The following TBC1D1 variants were observed in gnomAD, a reference collection of about 807,000 sequenced individuals.
TBC1D1 encodes the protein TBC1 domain family member 1, also known as TBC1 (tre-2/USP6, BUB2, cdc16) domain family, member 1.
A neutral mutation model predicts 125.6 loss-of-function variants in TBC1D1; 89 were observed. The observed-to-expected ratio is 0.71, with a 90% CI of 0.60 to 0.85. TBC1D1 has a LOEUF of 0.85. TBC1D1 is among the 40% of genes least tolerant of loss of function. TBC1D1 has a pLI of 0.00. For synonymous variants in TBC1D1, 565 were observed against 564.1 expected, an observed-to-expected ratio of 1.00 and a Z score of -0.02; for missense variants, 1,377 against 1,469.2, an observed-to-expected ratio of 0.94 and a Z score of 1.03.
At chr4:37,899,116 T>C (rs1168273199) in intron 1 of TBC1D1, among the ~76,000 whole-genome samples, 1 of 152,122 alleles carries the variant, frequency 6.6e-6, no homozygotes, top group Non-Finnish European at 1.5e-5. Flanking sequence ...ATGGGTGGAT[T>C]GAAGGATGGG....
intron 8 of TBC1D1, among the ~76,000 whole-genome samples, chr4:38,044,105 G>A (rs962454850): frequency 2.0e-5 from 3 of 152,232 alleles, no homozygotes; most frequent in East Asian, 1.9e-4. Flanking sequence ...CAGTTGCAGA[G>A]TCTGAGCAAT....
intron 6 of TBC1D1, among the ~76,000 whole-genome samples, chr4:38,023,174 G>A (rs2152438456): frequency 6.6e-6 from 1 of 151,516 alleles, no homozygotes; most frequent in South Asian, 2.1e-4. Context: ...TTGAGCCCGG[G>A]AGATGGAGGT....
At chr4:38,005,121 A>C (rs957474091) in intron 2 of TBC1D1, among the ~76,000 whole-genome samples, 3 of 152,204 alleles carry the variant, frequency 2.0e-5, no homozygotes, top group Non-Finnish European at 4.4e-5. Context: ...GTTGAGCCTA[A>C]CAACACCTCT....
chr4:37,960,737 A>C (rs760836080), intron 2 of TBC1D1: 2 of 1,614,170 alleles, frequency 1.2e-6, no homozygotes, highest in Admixed American at 3.3e-5. Flanking sequence ...TTAAAACAAA[A>C]AGTTCTGTTC....
chr4:38,110,164 T>C, intron 15 of TBC1D1: 1 of 982,300 alleles, frequency 1.0e-6, no homozygotes, highest in Non-Finnish European at 1.2e-6. Context: ...ATCAGGAGTC[T>C]CGCTGAAAAT....
intron 2 of TBC1D1, among the ~76,000 whole-genome samples, chr4:38,005,585 G>A (rs1217010101): frequency 6.6e-6 from 1 of 152,170 alleles, no homozygotes; most frequent in African/African-American, 2.4e-5. Flanking sequence ...GTGGCTTCTG[G>A]CCTGAGCCCC....
chr4:38,030,627 G>A (rs1307395243), intron 7 of TBC1D1, among the ~76,000 whole-genome samples: 1 of 152,192 alleles, frequency 6.6e-6, no homozygotes, highest in Admixed American at 6.5e-5. Flanking sequence ...CAGCTAATGT[G>A]CTTGAAAATC....
chr4:37,933,551 A>G (rs1280941208), intron 2 of TBC1D1, among the ~76,000 whole-genome samples: 2 of 152,062 alleles, frequency 1.3e-5, no homozygotes, highest in African/African-American at 4.8e-5. Context: ...TTTCCTTATT[A>G]TGTAAACTTT....
intron 2 of TBC1D1, among the ~76,000 whole-genome samples, chr4:37,953,853 A>T (rs1443500801): frequency 6.6e-6 from 1 of 152,222 alleles, no homozygotes; most frequent in African/African-American, 2.4e-5. Context: ...TGCCTAATTT[A>T]TAGTGGCTTG....
chr4:38,095,247 T>C (rs922455643), intron 13 of TBC1D1, among the ~76,000 whole-genome samples: 1 of 152,218 alleles, frequency 6.6e-6, no homozygotes, highest in Admixed American at 6.5e-5. Flanking sequence ...TCTGTGGCCA[T>C]GAAATAAGAG....
At chr4:37,947,907 A>C (rs1350989206) in intron 2 of TBC1D1, among the ~76,000 whole-genome samples, 1 of 152,210 alleles carries the variant, frequency 6.6e-6, no homozygotes, top group Non-Finnish European at 1.5e-5. Flanking sequence ...AGTTAAAACA[A>C]AGGTAGTACC....
intron 13 of TBC1D1, among the ~76,000 whole-genome samples, chr4:38,092,744 A>C (rs962063191): frequency 6.6e-6 from 1 of 151,462 alleles, no homozygotes; most frequent in African/African-American, 2.4e-5. Flanking sequence ...TAAAAAAAAA[A>C]AAAAAAAGAA....
chr4:37,907,557 T>G (rs889124158), intron 2 of TBC1D1, among the ~76,000 whole-genome samples: 2 of 152,200 alleles, frequency 1.3e-5, no homozygotes, highest in African/African-American at 4.8e-5. Context: ...GGTTACATTT[T>G]CTCCTAACAC....
At chr4:38,106,346 C>T (rs1226772745) in intron 15 of TBC1D1, among the ~76,000 whole-genome samples, 1 of 152,190 alleles carries the variant, frequency 6.6e-6, no homozygotes, top group African/African-American at 2.4e-5. Flanking sequence ...AACCCACTGT[C>T]ACTCTGTGTT....
At chr4:38,040,835 G>A (rs759566315) in intron 8 of TBC1D1, among the ~76,000 whole-genome samples, 5 of 152,184 alleles carry the variant, frequency 3.3e-5, no homozygotes, top group Non-Finnish European at 4.4e-5. Context: ...TCCCTGTGGC[G>A]CGTAGCATTT....
At position 38,133,253 on chromosome 4, in the gene TBC1D1, T is replaced by G; in HGVS notation, c.3302T>G (p.Leu1101Trp). The change falls in exon 19 of 20, where the codon TTG becomes TGG. Residue 1101 changes from leucine (L) to tryptophan (W), a missense_variant. Leu to Trp is a moderately conservative substitution (Grantham distance 61). Transcript: ENST00000261439. ...CAGAACCTTGACCTCCTTGAACAGTTGCAGGTAGAGCATATTTATAAAGCA... is the reference window on the plus strand; with the variant it reads ...CAGAACCTTGACCTCCTTGAACAGTGGCAGGTAGAGCATATTTATAAAGCA... The G allele has an allele frequency of 6.2e-7, 1 of 1,612,020 alleles. No homozygotes were observed. Among genetic ancestry groups the G allele is most frequent in the Non-Finnish European group, 8.5e-7 (1 of 1,179,374 alleles).
In TBC1D1 at chr4:38,035,576, T is replaced by A. The variant is rs555392980; in HGVS notation, c.1303-12T>A. 6.2e-7 allele frequency: 1 copy of A among 1,604,172 alleles called. No homozygotes were observed. The highest frequency in any genetic ancestry group is 8.5e-7 in the Non-Finnish European group (1 of 1,172,926). On this transcript the variant is annotated splice_polypyrimidine_tract_variant and intron_variant, in intron 7 of 19. Coordinates refer to ENST00000261439, the MANE Select transcript of TBC1D1 (RefSeq NM_015173.4). ...TTAAAAATAAATCCTGTTTCTGATT[T>A]TTGTTTTAAAGAAATTGAGACCGAG... is the stretch of plus-strand genomic sequence containing the variant.
At chr4:37,956,340 T>C (rs537478730) in intron 2 of TBC1D1, among the ~76,000 whole-genome samples, 1 of 152,258 alleles carries the variant, frequency 6.6e-6, no homozygotes, top group Non-Finnish European at 1.5e-5. Context: ...TAATACACTA[T>C]GCCATTTAAA....
chr4:37,934,423 C>G (rs1359574234), intron 2 of TBC1D1, among the ~76,000 whole-genome samples: 2 of 152,092 alleles, frequency 1.3e-5, no homozygotes, highest in Admixed American at 6.6e-5. Flanking sequence ...CACGATATGG[C>G]TTGAAAACGG....
Sources: gnomAD v4.1 joint callset for allele counts (sites outside exome capture counted in the v4.1 genomes callset) on GRCh38, gnomAD v4.1.1 for gene constraint, MANE v1.5 for transcripts, NCBI Gene and HGNC (gene_info 2026-07-23, HGNC 2026-07-21) for gene names.